The following LSAMP variants were observed in gnomAD, a reference collection of about 807,000 sequenced individuals.
LSAMP encodes the protein limbic system-associated membrane protein.
Under a neutral mutation model 38.6 loss-of-function variants are expected in LSAMP, and 7 were observed. That is an observed-to-expected ratio of 0.18 (90% CI 0.10 to 0.34). The LOEUF is 0.34. LSAMP is among the 10% of genes least tolerant of loss of function. LSAMP has a pLI of 1.00. For missense variants in LSAMP, 313 were observed against 420.0 expected (o/e 0.75, Z 2.23); for synonymous variants, 154 against 166.8 (o/e 0.92, Z 0.59).
intron 1 of LSAMP, among the ~76,000 whole-genome samples, chr3:116,393,206 G>T (rs1259387480): frequency 2.0e-5 from 3 of 152,146 alleles, no homozygotes; most frequent in African/African-American, 7.2e-5. Context: ...GAGAAGGAGA[G>T]AAGAGCTGCA....
At position 115,926,815 on chromosome 3, in the gene LSAMP, G is replaced by A. The variant is rs375954945; in HGVS notation, c.515-74198C>T. ...AAGTTTTACTCCCTCACTTCACTTG[G>A]TCTAAAATAGGACCATCTCCCATCT... On this transcript the variant is annotated intron_variant, in intron 3 of 6. Coordinates refer to ENST00000490035, the MANE Select transcript of LSAMP (RefSeq NM_002338.5). Among the ~76,000 whole-genome samples, 3 of 152,186 alleles carry A rather than the reference G, an allele frequency of 2.0e-5. No individual in the cohort carries two copies. The South Asian group carries it at 6.2e-4, about 32-fold the overall frequency.
intron 1 of LSAMP, among the ~76,000 whole-genome samples, chr3:116,277,027 G>GAATC (rs1297072217): frequency 3.9e-5 from 6 of 152,286 alleles, no homozygotes; most frequent in African/African-American, 1.4e-4. Context: ...AGCTCTAGAT[G>GAATC]AATCAAGAAC....
intron 1 of LSAMP, among the ~76,000 whole-genome samples, chr3:116,366,700 G>A (rs114353991): frequency 0.013 from 2,043 of 152,186 alleles, 25 homozygotes; most frequent in Non-Finnish European, 0.023. Context: ...TAGGAGCTGG[G>A]AATTCACAAA....
At chr3:115,900,057 A>G (rs1192559106) in intron 3 of LSAMP, among the ~76,000 whole-genome samples, 1 of 152,200 alleles carries the variant, frequency 6.6e-6, no homozygotes, top group Non-Finnish European at 1.5e-5. Flanking sequence ...ATTACACTTA[A>G]CTATTTGCTT....
rs578245113 is a variant in LSAMP at position 115,902,481 on chromosome 3, A to G, written c.515-49864T>C. Among the ~76,000 whole-genome samples the G allele has an allele frequency of 7.4e-5, 11 of 148,552 alleles. 2 individuals carry two copies. The South Asian group carries it at 2.4e-3, about 32-fold the overall frequency. ...AGATGCTAAAAGCAATTGCAGCAAAAGCAAAAGTTGACAAATGGATCTAAT... is the reference window on the plus strand; with the variant it reads ...AGATGCTAAAAGCAATTGCAGCAAAGGCAAAAGTTGACAAATGGATCTAAT... On this transcript the variant is annotated intron_variant, in intron 3 of 6. Transcript: ENST00000490035.
At chr3:116,349,867 A>T (rs1429643736) in intron 1 of LSAMP, among the ~76,000 whole-genome samples, 1 of 152,020 alleles carries the variant, frequency 6.6e-6, no homozygotes, top group Non-Finnish European at 1.5e-5. Context: ...TAATCCTGAA[A>T]GATATGAAGA....
chr3:116,172,722 C>G (rs2107555622), intron 1 of LSAMP, among the ~76,000 whole-genome samples: 1 of 152,010 alleles, frequency 6.6e-6, no homozygotes, highest in Non-Finnish European at 1.5e-5. Flanking sequence ...ATATAAGCAC[C>G]TAATTTCTCT....
chr3:116,409,124 T>C (rs975927549), intron 1 of LSAMP, among the ~76,000 whole-genome samples: 7 of 152,012 alleles, frequency 4.6e-5, no homozygotes, highest in African/African-American at 1.7e-4. Flanking sequence ...ATTTCTTGAA[T>C]GAGAGAGGGT....
At chr3:116,036,727 A>G (rs13315058) in intron 2 of LSAMP, among the ~76,000 whole-genome samples, 32,160 of 152,178 alleles carry the variant, frequency 0.21, 4,152 homozygotes, top group African/African-American at 0.37. Context: ...TTATTGAATT[A>G]GCAAAATGGC....
intron 1 of LSAMP, among the ~76,000 whole-genome samples, chr3:116,294,133 A>C (rs559383608): frequency 6.6e-6 from 1 of 152,130 alleles, no homozygotes; most frequent in Non-Finnish European, 1.5e-5. Flanking sequence ...CGCCCCTACT[A>C]CCACCAGGGT....
At chr3:116,023,671 C>A (rs954180722) in intron 2 of LSAMP, among the ~76,000 whole-genome samples, 3 of 151,134 alleles carry the variant, frequency 2.0e-5, no homozygotes, top group Non-Finnish European at 4.4e-5. Flanking sequence ...CACTGCCACA[C>A]ATTCACCACA....
intron 1 of LSAMP, among the ~76,000 whole-genome samples, chr3:116,224,108 T>C (rs893567740): frequency 1.3e-5 from 2 of 152,214 alleles, no homozygotes; most frequent in African/African-American, 4.8e-5. Flanking sequence ...TTGTGCTCTC[T>C]GCTGCTTAAT....
intron 1 of LSAMP, among the ~76,000 whole-genome samples, chr3:116,377,027 T>A (rs1478072755): frequency 6.6e-6 from 1 of 152,198 alleles, no homozygotes; most frequent in African/African-American, 2.4e-5. Context: ...GTCTACCAGT[T>A]CAAATACCAT....
intron 2 of LSAMP, among the ~76,000 whole-genome samples, chr3:116,066,674 C>T (rs1707443754): frequency 6.6e-6 from 1 of 152,134 alleles, no homozygotes; most frequent in African/African-American, 2.4e-5. Context: ...AATTAACATC[C>T]TCAGTTGACC....
At chr3:116,366,626 G>T (rs2048357946) in intron 1 of LSAMP, among the ~76,000 whole-genome samples, 1 of 152,056 alleles carries the variant, frequency 6.6e-6, no homozygotes, top group South Asian at 2.1e-4. Flanking sequence ...TCCCCAAGAA[G>T]GTATGGAGGA....
chr3:116,173,122 T>C (rs1157581543), intron 1 of LSAMP, among the ~76,000 whole-genome samples: 1 of 152,030 alleles, frequency 6.6e-6, no homozygotes, highest in African/African-American at 2.4e-5. Flanking sequence ...CAAAGTCCTT[T>C]ATGGTTATGG....
intron 3 of LSAMP, among the ~76,000 whole-genome samples, chr3:115,985,419 C>G (rs532079105): frequency 6.6e-6 from 1 of 152,132 alleles, no homozygotes; most frequent in Non-Finnish European, 1.5e-5. Flanking sequence ...ACATGCTTAA[C>G]CGAGTAAGCA....
intron 1 of LSAMP, among the ~76,000 whole-genome samples, chr3:116,433,137 C>G (rs1016601036): frequency 6.6e-6 from 1 of 152,086 alleles, no homozygotes; most frequent in Non-Finnish European, 1.5e-5. Context: ...ACAAAACAAT[C>G]AGAAGTCAGG....
intron 2 of LSAMP, among the ~76,000 whole-genome samples, chr3:116,049,747 GA>G (rs889289738): frequency 1.4e-4 from 21 of 152,214 alleles, no homozygotes; most frequent in African/African-American, 4.6e-4. Context: ...AGAAATTAGA[GA>G]AAAATATGAA....
Sources: gnomAD v4.1 joint callset for allele counts (sites outside exome capture counted in the v4.1 genomes callset) on GRCh38, gnomAD v4.1.1 for gene constraint, MANE v1.5 for transcripts, NCBI Gene and HGNC (gene_info 2026-07-23, HGNC 2026-07-21) for gene names.